The following TTC27 variants were observed in gnomAD, a reference collection of about 807,000 sequenced individuals.
TTC27 encodes tetratricopeptide repeat protein 27.
In TTC27, 79 loss-of-function variants were observed where a neutral mutation model predicts 115.9. The ratio of observed to expected loss-of-function variants is 0.68; its 90% CI spans 0.57 to 0.82. The LOEUF is 0.82. Ranked by LOEUF, TTC27 falls within the 40% of genes least tolerant of loss-of-function variation. The probability of loss-of-function intolerance (pLI) is 0.00; values close to 1 mark genes in which losing one functional copy is unlikely to be tolerated. For synonymous variants in TTC27, 401 were observed against 356.0 expected (o/e 1.13, Z -1.42); for missense variants, 1,054 against 993.1 (o/e 1.06, Z -0.82).
intron 16 of TTC27, among the ~76,000 whole-genome samples, chr2:32,801,034 G>T (rs926466895): frequency 3.3e-5 from 5 of 152,270 alleles, no homozygotes; most frequent in Admixed American, 3.3e-4. Flanking sequence ...GGGTACTGTA[G>T]GTCACTAGCC....
At chr2:32,632,641 T>A (rs562211921) in intron 2 of TTC27, among the ~76,000 whole-genome samples, 1 of 152,376 alleles carries the variant, frequency 6.6e-6, no homozygotes, top group African/African-American at 2.4e-5. Context: ...CAGAGTTTTA[T>A]ATTTTTGCTA....
rs921278303 is a variant in TTC27 at position 32,727,325 on chromosome 2, A to G, written c.1234-6503A>G. Among the ~76,000 whole-genome samples the G allele has an allele frequency of 2.0e-5, 3 of 152,330 alleles. No individual in the cohort carries two copies. In the East Asian group the frequency reaches 5.8e-4, roughly 29 times the overall value. On this transcript the variant is annotated intron_variant, in intron 10 of 19. Coordinates refer to ENST00000317907, the MANE Select transcript of TTC27 (RefSeq NM_017735.5). ...TCATTTTCCAAAAAACTAGTGCATG[A>G]TGTTACACAATCAGTATTCAAAGTC...
At chr2:32,635,020 G>A (rs544425148) in intron 3 of TTC27, among the ~76,000 whole-genome samples, 14 of 152,210 alleles carry the variant, frequency 9.2e-5, no homozygotes, top group African/African-American at 3.4e-4. Flanking sequence ...CCCAGGGGTG[G>A]CTTTAAATTA....
intron 12 of TTC27, among the ~76,000 whole-genome samples, chr2:32,752,489 A>G (rs910107993): frequency 6.6e-6 from 1 of 152,222 alleles, no homozygotes; most frequent in Admixed American, 6.5e-5. Flanking sequence ...TGCTTGAGTT[A>G]GCACTGCGAA....
chr2:32,763,133 A>G (rs546295370), intron 13 of TTC27, among the ~76,000 whole-genome samples: 1 of 152,374 alleles, frequency 6.6e-6, no homozygotes, highest in Non-Finnish European at 1.5e-5. Context: ...AACAGATGTT[A>G]TGTGAAAATA....
intron 10 of TTC27, among the ~76,000 whole-genome samples, chr2:32,725,351 C>T (rs1012188556): frequency 5.3e-5 from 8 of 152,166 alleles, no homozygotes; most frequent in Non-Finnish European, 8.8e-5. Flanking sequence ...AAGTTAGTTA[C>T]ATCCTAGATG....
intron 9 of TTC27, among the ~76,000 whole-genome samples, chr2:32,686,728 C>A (rs553068085): frequency 2.6e-5 from 4 of 151,936 alleles, no homozygotes; most frequent in African/African-American, 9.7e-5. Context: ...GGGCAAGGTG[C>A]GAAAACAAAA....
chr2:32,684,267 T>C (rs1276486989), intron 9 of TTC27, among the ~76,000 whole-genome samples: 2 of 152,212 alleles, frequency 1.3e-5, no homozygotes, highest in Non-Finnish European at 2.9e-5. Flanking sequence ...TCATTTTTTA[T>C]GGCTGCATAG....
chr2:32,772,316 A>C (rs1198912709), intron 13 of TTC27, among the ~76,000 whole-genome samples: 1 of 152,200 alleles, frequency 6.6e-6, no homozygotes, highest in African/African-American at 2.4e-5. Context: ...ATTTTCCTCT[A>C]GATCTCTTTT....
At chr2:32,628,413 C>T in intron 1 of TTC27, 33 bp downstream of exon 1, 2 of 1,523,764 alleles carry the variant, frequency 1.3e-6, no homozygotes, top group African/African-American at 1.4e-5. Context: ...CTTAGGCTAT[C>T]GTGGGAACTG....
chr2:32,717,103 A>C (rs938415793), intron 10 of TTC27, among the ~76,000 whole-genome samples: 3 of 151,508 alleles, frequency 2.0e-5, no homozygotes, highest in Non-Finnish European at 4.4e-5. Context: ...TCTTGGGCTC[A>C]AGTGATCCTC....
rs778795630 is a variant in TTC27 at position 32,808,215 on chromosome 2, G to A, written c.1999-2809G>A. On this transcript the variant is annotated intron_variant, in intron 16 of 19. Coordinates refer to ENST00000317907, the MANE Select transcript of TTC27 (RefSeq NM_017735.5). The stretch of plus-strand genomic sequence containing the variant: ...CTCCCAGAGTGCTGGGATTACAGGC[G>A]TGAGCCACTACGCCCAACCTACTTG... Among the ~76,000 whole-genome samples, 11 of 151,968 alleles carry A rather than the reference G, an allele frequency of 7.2e-5. No homozygotes were observed. In the East Asian group the frequency reaches 9.7e-4, roughly 13 times the overall value.
At chr2:32,629,147 GTC>G (rs2063537980) in intron 1 of TTC27, among the ~76,000 whole-genome samples, 1 of 151,568 alleles carries the variant, frequency 6.6e-6, no homozygotes, top group Non-Finnish European at 1.5e-5. Context: ...GGGGGATGGA[GTC>G]TCCCTCTTGT....
intron 16 of TTC27, among the ~76,000 whole-genome samples, chr2:32,803,552 A>G (rs1318861136): frequency 1.3e-5 from 2 of 152,130 alleles, no homozygotes; most frequent in Non-Finnish European, 2.9e-5. Context: ...GGTTTCTCAC[A>G]TGTTTTACTG....
intron 12 of TTC27, among the ~76,000 whole-genome samples, chr2:32,740,762 C>T (rs996348817): frequency 1.2e-4 from 18 of 152,228 alleles, no homozygotes; most frequent in Admixed American, 1.2e-3. Flanking sequence ...TCAAGCGATT[C>T]TCTTGCCTCA....
At chr2:32,795,101 C>T (rs1302677452) in intron 16 of TTC27, among the ~76,000 whole-genome samples, 2 of 150,448 alleles carry the variant, frequency 1.3e-5, no homozygotes, top group African/African-American at 2.5e-5. Context: ...CAGCATTACC[C>T]TGATACCAAA....
chr2:32,735,651 G>A (rs529798811), intron 11 of TTC27, among the ~76,000 whole-genome samples: 2 of 146,464 alleles, frequency 1.4e-5, no homozygotes, highest in Non-Finnish European at 3.1e-5. Context: ...AAGAGAATTA[G>A]TCTCTACTTT....
Position 32,758,303 on chromosome 2 carries a change from C to A in TTC27, c.1464C>A (p.Ile488=). 1 of 1,614,012 alleles carries A rather than the reference C, an allele frequency of 6.2e-7. No homozygotes were observed. The highest frequency in any genetic ancestry group is 8.5e-7 in the Non-Finnish European group (1 of 1,179,974). The part of the protein sequence containing the change: ...RAGQHGKAEE[I]LRQELEKKET... The stretch of plus-strand genomic sequence containing the variant: ...TCTGTTGTTTCTAGGCAGAAGAAAT[C>A]CTTAGACAAGAGCTGGAGAAAAAAG... The change falls in exon 13 of 20, where the codon ATC becomes ATA. Residue 488 remains isoleucine, a synonymous_variant. Coordinates refer to ENST00000317907, the MANE Select transcript of TTC27 (RefSeq NM_017735.5).
chr2:32,660,273 T>C (rs1296119256), intron 5 of TTC27, among the ~76,000 whole-genome samples: 1 of 152,236 alleles, frequency 6.6e-6, no homozygotes, highest in African/African-American at 2.4e-5. Context: ...CCAGTGATGA[T>C]GAGCTTTTTT....
Sources: gnomAD v4.1 joint callset for allele counts (sites outside exome capture counted in the v4.1 genomes callset) on GRCh38, gnomAD v4.1.1 for gene constraint, MANE v1.5 for transcripts, NCBI Gene and HGNC (gene_info 2026-07-23, HGNC 2026-07-21) for gene names.